SGK3: variants seen among roughly 807,000 people sequenced by gnomAD.
The protein encoded by SGK3 is serine/threonine-protein kinase Sgk3.
A neutral mutation model predicts 68.5 loss-of-function variants in SGK3; 47 were observed. The ratio of observed to expected loss-of-function variants is 0.69; its 90% CI spans 0.54 to 0.87. The LOEUF (loss-of-function observed/expected upper bound fraction) is 0.87, where lower values mean the gene tolerates loss of function less well. Ranked by LOEUF, SGK3 falls within the 40% of genes least tolerant of loss-of-function variation. The pLI is 0.00. For synonymous variants in SGK3, 181 were observed against 189.1 expected (o/e 0.96, Z 0.35); for missense variants, 479 against 575.5 (o/e 0.83, Z 1.72).
In SGK3 at chr8:66,847,177, T is replaced by C. The variant is rs745354223; in HGVS notation, c.1075-16T>C. On this transcript the variant is annotated splice_polypyrimidine_tract_variant and intron_variant, in intron 14 of 16. Transcript: ENST00000521198. ...TTGTTTACCACTAAGTTTATTTTGC[T>C]TTTTTTTTTTTCCAGCCTCCTTTTT... 7 of 468,098 alleles carry C rather than the reference T, an allele frequency of 1.5e-5. No homozygotes were observed. In the South Asian group the frequency reaches 2.0e-4, roughly 14 times the overall value. 29.0% of individuals were successfully genotyped at this position (468,098 alleles called of 1,614,324 possible).
At chr8:66,788,873 C>T (rs1176391125) in intron 1 of SGK3, among the ~76,000 whole-genome samples, 1 of 152,044 alleles carries the variant, frequency 6.6e-6, no homozygotes, top group East Asian at 1.9e-4. Context: ...TCACCAGGTC[C>T]AGTTAAGATA....
At chr8:66,720,111 A>G (rs1804754068) in intron 1 of SGK3, among the ~76,000 whole-genome samples, 2 of 152,206 alleles carry the variant, frequency 1.3e-5, no homozygotes, top group Admixed American at 1.3e-4. Context: ...CCGCTCATAA[A>G]GGGAATGAGG....
At chr8:66,754,857 CTT>C (rs939112473) in intron 1 of SGK3, among the ~76,000 whole-genome samples, 6 of 152,204 alleles carry the variant, frequency 3.9e-5, no homozygotes, top group Non-Finnish European at 8.8e-5. Flanking sequence ...CACATTAACA[CTT>C]AACAGTTACC....
intron 1 of SGK3, among the ~76,000 whole-genome samples, chr8:66,717,811 C>A (rs750684781): frequency 6.6e-6 from 1 of 152,004 alleles, no homozygotes; most frequent in Non-Finnish European, 1.5e-5. Flanking sequence ...TCAAGCGATT[C>A]TCGTGCTTCA....
At chr8:66,819,658 A>C (rs774286595) in intron 5 of SGK3, among the ~76,000 whole-genome samples, 9 of 152,220 alleles carry the variant, frequency 5.9e-5, no homozygotes, top group Non-Finnish European at 1.2e-4. Context: ...AAATATGCCA[A>C]AATGTTAACA....
intron 1 of SGK3, among the ~76,000 whole-genome samples, chr8:66,784,795 C>A (rs982974379): frequency 1.3e-5 from 2 of 152,004 alleles, no homozygotes; most frequent in Non-Finnish European, 2.9e-5. Flanking sequence ...TTTATCATAG[C>A]GTTTCACCCA....
rs1563655165 is a variant in SGK3, at chr8:66,840,257, C to T, written c.891+10C>T. On this transcript the variant is annotated intron_variant, in intron 12 of 16. Transcript: ENST00000521198. ...TCTTTTGGATTCAGTAGTAAGTATT[C>T]TCTTTTAAAAATCTACTAGTTCTCA... 6.4e-7 allele frequency: 1 copy of T among 1,563,642 alleles called. No individual in the cohort carries two copies. Among genetic ancestry groups the T allele is most frequent in the Non-Finnish European group, 8.6e-7 (1 of 1,158,854 alleles).
intron 1 of SGK3, among the ~76,000 whole-genome samples, chr8:66,789,025 A>G (rs1356774036): frequency 6.6e-6 from 1 of 151,890 alleles, no homozygotes; most frequent in Non-Finnish European, 1.5e-5. Context: ...ACTTCATGCA[A>G]TTTGCATCTC....
At chr8:66,826,383 A>G (rs369818994) in intron 6 of SGK3, among the ~76,000 whole-genome samples, 1 of 152,220 alleles carries the variant, frequency 6.6e-6, no homozygotes, top group African/African-American at 2.4e-5. Context: ...ATTACATTGT[A>G]AGAGTCTAAG....
chr8:66,760,330 C>CTTTTT (rs201559163), intron 1 of SGK3, among the ~76,000 whole-genome samples: 21 of 115,638 alleles, frequency 1.8e-4, no homozygotes, highest in Non-Finnish European at 2.9e-4. Context: ...TTTCTTTTTT[C>CTTTTT]TTTTTTTTTT....
At chr8:66,778,838 A>T (rs1229627407) in intron 1 of SGK3, among the ~76,000 whole-genome samples, 1 of 152,208 alleles carries the variant, frequency 6.6e-6, no homozygotes, top group Non-Finnish European at 1.5e-5. Context: ...AGATGTTTTT[A>T]AAAGTACGCA....
intron 16 of SGK3, among the ~76,000 whole-genome samples, chr8:66,859,061 G>A (rs1000919897): frequency 2.6e-5 from 4 of 152,286 alleles, no homozygotes; most frequent in South Asian, 2.1e-4. Flanking sequence ...GGCCAGGCGC[G>A]GTGGCTCACA....
chr8:66,768,300 A>G (rs939976810), intron 1 of SGK3, among the ~76,000 whole-genome samples: 3 of 152,116 alleles, frequency 2.0e-5, no homozygotes, highest in African/African-American at 7.2e-5. Context: ...TACTATTTCA[A>G]GTGCTCTTCA....
At chr8:66,826,620 T>C (rs1023258173) in intron 6 of SGK3, among the ~76,000 whole-genome samples, 43 of 148,794 alleles carry the variant, frequency 2.9e-4, no homozygotes, top group African/African-American at 1.1e-3. Flanking sequence ...CAATGTTGTT[T>C]TTTCATGAGA....
At chr8:66,763,652 A>G (rs1007701754) in intron 1 of SGK3, among the ~76,000 whole-genome samples, 8 of 152,016 alleles carry the variant, frequency 5.3e-5, no homozygotes, top group African/African-American at 1.9e-4. Flanking sequence ...ATGAATATAC[A>G]TATATTTATG....
intron 4 of SGK3, 107 bp downstream of exon 4, chr8:66,804,554 T>C (rs1808075082): frequency 1.7e-6 from 2 of 1,152,518 alleles, no homozygotes; most frequent in East Asian, 5.0e-5. Context: ...TAAAAGATCT[T>C]ATGCTCTGTG....
At chr8:66,782,499 C>T (rs770757939) in intron 1 of SGK3, among the ~76,000 whole-genome samples, 16 of 152,110 alleles carry the variant, frequency 1.1e-4, no homozygotes, top group Admixed American at 2.0e-4. Flanking sequence ...AACCCAAAAT[C>T]CATAGATTCC....
At chr8:66,748,751 A>G (rs1805720807) in intron 1 of SGK3, among the ~76,000 whole-genome samples, 1 of 152,168 alleles carries the variant, frequency 6.6e-6, no homozygotes, top group Admixed American at 6.5e-5. Flanking sequence ...AATTGCCTAC[A>G]TACTGTTGTC....
At chr8:66,794,767 T>C (rs889317979) in intron 2 of SGK3, among the ~76,000 whole-genome samples, 1 of 152,206 alleles carries the variant, frequency 6.6e-6, no homozygotes, top group African/African-American at 2.4e-5. Flanking sequence ...GACCTCATGG[T>C]AGCCTGGTGA....
Sources: allele counts gnomAD v4.1 joint callset (sites outside exome capture counted in the v4.1 genomes callset), GRCh38; gene constraint gnomAD v4.1.1; transcripts MANE v1.5; gene names NCBI Gene and HGNC (gene_info 2026-07-23, HGNC 2026-07-21).